Variants in SMOC1 observed in about 807,000 individuals in gnomAD.
SMOC1 encodes SPARC related modular calcium binding 1, also known as SPARC-related modular calcium-binding protein 1.
In SMOC1, 22 loss-of-function variants were observed where a neutral mutation model predicts 56.3. The observed-to-expected ratio is 0.39, with a 90% CI of 0.28 to 0.56. The LOEUF (loss-of-function observed/expected upper bound fraction) is 0.56, where lower values mean the gene tolerates loss of function less well. Ranked by LOEUF, SMOC1 falls within the 20% of genes least tolerant of loss-of-function variation. The pLI is 0.61. For missense variants in SMOC1, 509 were observed against 565.4 expected (o/e 0.90, Z 1.01); for synonymous variants, 193 against 215.0 (o/e 0.90, Z 0.89).
intron 1 of SMOC1, among the ~76,000 whole-genome samples, chr14:69,905,344 C>T (rs893899927): frequency 6.6e-6 from 1 of 151,996 alleles, no homozygotes; most frequent in African/African-American, 2.4e-5. Flanking sequence ...GTTCTAGAGA[C>T]TGCAAGAAGT....
At chr14:69,895,818 T>C (rs1248341595) in intron 1 of SMOC1, among the ~76,000 whole-genome samples, 1 of 151,812 alleles carries the variant, frequency 6.6e-6, no homozygotes, top group Non-Finnish European at 1.5e-5. Flanking sequence ...GGTCCCAATA[T>C]TGCTGATTCC....
chr14:69,956,073 C>T (rs1284439216), intron 3 of SMOC1, among the ~76,000 whole-genome samples: 1 of 152,182 alleles, frequency 6.6e-6, no homozygotes, highest in Non-Finnish European at 1.5e-5. Context: ...CAGGCCAGAC[C>T]AGGTGGTGTT....
chr14:70,012,817 G>A (rs572428602), intron 9 of SMOC1, among the ~76,000 whole-genome samples: 1 of 152,336 alleles, frequency 6.6e-6, no homozygotes, highest in East Asian at 1.9e-4. Flanking sequence ...AGGAAAAAAG[G>A]AACAAGGACT....
At chr14:69,889,892 G>A (rs773088742) in intron 1 of SMOC1, among the ~76,000 whole-genome samples, 4 of 152,126 alleles carry the variant, frequency 2.6e-5, no homozygotes, top group Non-Finnish European at 4.4e-5. Context: ...GGTCTCTCTG[G>A]TTCTGAATTT....
intron 5 of SMOC1, among the ~76,000 whole-genome samples, chr14:69,989,359 A>G (rs1012716644): frequency 1.3e-5 from 2 of 152,210 alleles, no homozygotes; most frequent in Non-Finnish European, 2.9e-5. Context: ...CTGTCAAAAT[A>G]TGTTGTCCAT....
chr14:69,961,276 A>ATATG (rs1883366728), intron 3 of SMOC1, among the ~76,000 whole-genome samples: 1 of 34,770 alleles, frequency 2.9e-5, no homozygotes, highest in African/African-American at 8.7e-5. Context: ...TATTGTGTAT[A>ATATG]TATATATATA....
chr14:70,017,057 C>T (rs1885542300), intron 10 of SMOC1, among the ~76,000 whole-genome samples: 1 of 152,136 alleles, frequency 6.6e-6, no homozygotes, highest in African/African-American at 2.4e-5. Context: ...AGAGCTTAGA[C>T]TAGTGTCTGG....
intron 1 of SMOC1, among the ~76,000 whole-genome samples, chr14:69,944,190 A>G (rs572312356): frequency 6.6e-6 from 1 of 152,302 alleles, no homozygotes; most frequent in Non-Finnish European, 1.5e-5. Flanking sequence ...TGTAAAATTA[A>G]ATGATGGGCC....
In SMOC1 at chr14:69,879,503, G is replaced by A; in HGVS notation, c.-176G>A. On this transcript the variant is annotated 5_prime_UTR_variant, in exon 1 of 12. Transcript: ENST00000361956. ...ACGCTCGCGCTCCAGCTCCCCTCCT[G>A]CGCGGTTCATGACTGTGTCCCCTGA... 2 of 442,864 alleles carry A rather than the reference G, an allele frequency of 4.5e-6. No homozygotes were observed. The highest frequency in any genetic ancestry group is 7.7e-6 in the Non-Finnish European group (2 of 260,152). The allele number at this position is 442,864 out of a possible 1,614,324, so 27.4% of individuals were successfully genotyped here.
chr14:69,995,876 A>G (rs1240168023), intron 7 of SMOC1, among the ~76,000 whole-genome samples: 3 of 152,204 alleles, frequency 2.0e-5, no homozygotes, highest in Non-Finnish European at 2.9e-5. Flanking sequence ...GGCATCTATT[A>G]GGCTTCTTCT....
intron 7 of SMOC1, among the ~76,000 whole-genome samples, chr14:69,996,543 G>C (rs1035209276): frequency 6.6e-6 from 1 of 152,244 alleles, no homozygotes; most frequent in Non-Finnish European, 1.5e-5. Context: ...AAGTTCTTCT[G>C]CTTTCATTCC....
intron 6 of SMOC1, 35 bp from the exon 7 acceptor site, chr14:69,994,365 C>A: frequency 6.5e-7 from 1 of 1,545,552 alleles, no homozygotes; most frequent in Non-Finnish European, 8.9e-7. Flanking sequence ...GTCTCTTTGC[C>A]CAGACTTTTT....
chr14:69,895,023 T>C (rs912232797), intron 1 of SMOC1, among the ~76,000 whole-genome samples: 4 of 152,264 alleles, frequency 2.6e-5, no homozygotes, highest in African/African-American at 9.6e-5. Context: ...TTTATTGCTC[T>C]GTGCATGCCT....
chr14:69,944,556 G>T (rs985441856), intron 1 of SMOC1, among the ~76,000 whole-genome samples: 2 of 152,066 alleles, frequency 1.3e-5, no homozygotes, highest in Admixed American at 6.6e-5. Flanking sequence ...TGAATTTAGG[G>T]TGTCAAAAAA....
At chr14:69,920,367 G>A (rs1884805286) in intron 1 of SMOC1, among the ~76,000 whole-genome samples, 1 of 152,184 alleles carries the variant, frequency 6.6e-6, no homozygotes, top group African/African-American at 2.4e-5. Flanking sequence ...ATTAGGCAGT[G>A]CAGATGAGAT....
chr14:69,952,237 T>A lies in SMOC1; in HGVS notation c.199T>A (p.Cys67Ser). Residue 67 changes from cysteine (C) to serine (S), a missense_variant, in exon 2 of 12, where the codon TGT becomes AGT. Around this residue, in one of 3 missense-constraint regions of SMOC1, gnomAD observed 315 missense variants for 333.1 expected, o/e 0.95. Transcript: ENST00000361956. ...TGATGGCAGGTCCTACGAGTCCATGTGTGAGTACCAGCGAGCCAAGTGCCG... is the reference window on the plus strand; with the variant it reads ...TGATGGCAGGTCCTACGAGTCCATGAGTGAGTACCAGCGAGCCAAGTGCCG... ...ASDGRSYESM[C>S]EYQRAKCRDP... 1 of 1,614,146 alleles carries A rather than the reference T, an allele frequency of 6.2e-7. No individual in the cohort carries two copies. The highest frequency in any genetic ancestry group is 8.5e-7 in the Non-Finnish European group (1 of 1,180,018).
At chr14:70,022,533 C>A (rs61977405) in intron 10 of SMOC1, among the ~76,000 whole-genome samples, 48,437 of 152,190 alleles carry the variant, frequency 0.32, 8,184 homozygotes, top group African/African-American at 0.35. Context: ...CAGTAGGTCC[C>A]GGCTTTTCCA....
At chr14:69,989,562 C>T (rs1195678821) in intron 5 of SMOC1, among the ~76,000 whole-genome samples, 20 of 152,128 alleles carry the variant, frequency 1.3e-4, no homozygotes, top group Non-Finnish European at 2.4e-4. Context: ...AAAAGTGTCC[C>T]GAGATTTTGT....
intron 7 of SMOC1, among the ~76,000 whole-genome samples, chr14:69,995,582 G>T (rs1387946472): frequency 2.6e-5 from 4 of 152,176 alleles, no homozygotes; most frequent in Non-Finnish European, 5.9e-5. Context: ...TCACATTGTA[G>T]CTCCAACACT....
Sources: gnomAD v4.1 joint callset for allele counts (sites outside exome capture counted in the v4.1 genomes callset) on GRCh38, gnomAD v4.1.1 for gene constraint, gnomAD v4.1.1 regional missense constraint, MANE v1.5 for transcripts, NCBI Gene and HGNC (gene_info 2026-07-23, HGNC 2026-07-21) for gene names.